The following FOXN3 variants were observed in gnomAD, a reference collection of about 807,000 sequenced individuals.
FOXN3 encodes the protein forkhead box protein N3.
In FOXN3, 7 loss-of-function variants were observed where a neutral mutation model predicts 38.4. That is an observed-to-expected ratio of 0.18 (90% CI 0.10 to 0.34). FOXN3 has a LOEUF of 0.34. FOXN3 is among the 10% of genes least tolerant of loss of function. FOXN3 has a pLI of 1.00. For synonymous variants in FOXN3, 230 were observed against 242.2 expected (o/e 0.95, Z 0.47); for missense variants, 456 against 613.4 (o/e 0.74, Z 2.71).
At chr14:89,472,801 T>G (rs1015633170) in intron 1 of FOXN3, among the ~76,000 whole-genome samples, 1 of 151,716 alleles carries the variant, frequency 6.6e-6, no homozygotes, top group African/African-American at 2.4e-5. Flanking sequence ...ATTATATATG[T>G]AGACATAATT....
chr14:89,234,960 C>T (rs1884938006), intron 4 of FOXN3, among the ~76,000 whole-genome samples: 1 of 152,122 alleles, frequency 6.6e-6, no homozygotes, highest in Non-Finnish European at 1.5e-5. Context: ...CCCTAATTCC[C>T]GCAGCAAGAA....
In FOXN3 at chr14:89,590,388, G is replaced by A. The variant is rs1264663549; in HGVS notation, c.-15+28640C>T. On this transcript the variant is annotated intron_variant, in intron 1 of 6. Transcript: ENST00000345097. ...GAAGACTGAGGGTATATGGAAGAGT[G>A]ACAGATGAACTCAGGCAGAAGGAGG... Among the ~76,000 whole-genome samples the A allele has an allele frequency of 2.0e-5, 3 of 152,114 alleles. No homozygotes were observed. The East Asian group carries it at 5.8e-4, about 29-fold the overall frequency.
chr14:89,592,181 A>T (rs1403073256), intron 1 of FOXN3, among the ~76,000 whole-genome samples: 1 of 152,214 alleles, frequency 6.6e-6, no homozygotes, highest in Non-Finnish European at 1.5e-5. Context: ...CAATAAGACA[A>T]AAAGATGATT....
intron 3 of FOXN3, among the ~76,000 whole-genome samples, chr14:89,302,596 T>C (rs1887249898): frequency 6.6e-6 from 1 of 152,174 alleles, no homozygotes; most frequent in African/African-American, 2.4e-5. Context: ...GCTGGGTCAT[T>C]GGGCTCACCT....
At chr14:89,354,557 A>AG in intron 2 of FOXN3, among the ~76,000 whole-genome samples, 1 of 149,466 alleles carries the variant, frequency 6.7e-6, no homozygotes, top group African/African-American at 2.4e-5. Context: ...AAAAAAAAAA[A>AG]AAAAGAAAAG....
chr14:89,216,843 C>T (rs1400420615), intron 4 of FOXN3, among the ~76,000 whole-genome samples: 5 of 152,312 alleles, frequency 3.3e-5, no homozygotes, highest in African/African-American at 1.2e-4. Flanking sequence ...TTGTTCCCTG[C>T]TGCGTGTGGC....
At chr14:89,506,028 G>T in intron 1 of FOXN3, among the ~76,000 whole-genome samples, 1 of 149,432 alleles carries the variant, frequency 6.7e-6, no homozygotes, top group Non-Finnish European at 1.5e-5. Flanking sequence ...GGAGGTGGGG[G>T]TCAGCCCCCG....
At chr14:89,524,371 CAAAA>C (rs1301922423) in intron 1 of FOXN3, among the ~76,000 whole-genome samples, 53 of 6,492 alleles carry the variant, frequency 8.2e-3, no homozygotes, top group Non-Finnish European at 9.9e-3. Flanking sequence ...GACTCCATCT[CAAAA>C]AAAAAAAAAA....
At chr14:89,268,186 C>T (rs1886042423) in intron 4 of FOXN3, among the ~76,000 whole-genome samples, 2 of 152,184 alleles carry the variant, frequency 1.3e-5, no homozygotes, top group South Asian at 4.1e-4. Flanking sequence ...GAAGATACCA[C>T]CTACCTCTCA....
intron 5 of FOXN3, among the ~76,000 whole-genome samples, chr14:89,173,761 T>C (rs1157466137): frequency 6.6e-6 from 1 of 151,984 alleles, no homozygotes; most frequent in African/African-American, 2.4e-5. Context: ...GAGGCTGAGG[T>C]GTGTGGATTG....
chr14:89,315,690 A>G (rs1199225835), intron 3 of FOXN3, among the ~76,000 whole-genome samples: 1 of 152,242 alleles, frequency 6.6e-6, no homozygotes, highest in Non-Finnish European at 1.5e-5. Flanking sequence ...CACTCTGCCG[A>G]AAGATCTGCG....
At chr14:89,506,037 CG>C (rs1354247317) in intron 1 of FOXN3, among the ~76,000 whole-genome samples, 10 of 148,666 alleles carry the variant, frequency 6.7e-5, no homozygotes, top group Non-Finnish European at 1.5e-4. Context: ...GGTCAGCCCC[CG>C]GCCCGGCCAG....
intron 1 of FOXN3, among the ~76,000 whole-genome samples, chr14:89,460,319 A>G (rs1240103521): frequency 6.6e-6 from 1 of 152,130 alleles, no homozygotes; most frequent in East Asian, 1.9e-4. Context: ...GTGCTGTTTC[A>G]TCTGTGTGGG....
At chr14:89,578,472 C>T (rs1185869478) in intron 1 of FOXN3, among the ~76,000 whole-genome samples, 1 of 152,178 alleles carries the variant, frequency 6.6e-6, no homozygotes, top group Non-Finnish European at 1.5e-5. Context: ...TCCCCCTGAG[C>T]TCCAGATGGG....
chr14:89,201,500 AT>A (rs1888233475), intron 4 of FOXN3, among the ~76,000 whole-genome samples: 1 of 152,194 alleles, frequency 6.6e-6, no homozygotes, highest in African/African-American at 2.4e-5. Context: ...AGGAACAGGA[AT>A]GGAGACTCCC....
chr14:89,241,444 G>A (rs542485084), intron 4 of FOXN3, among the ~76,000 whole-genome samples: 29 of 152,252 alleles, frequency 1.9e-4, no homozygotes, highest in African/African-American at 6.3e-4. Context: ...GAATGAGACA[G>A]ACACACGTGG....
At chr14:89,544,834 A>C (rs1482210191) in intron 1 of FOXN3, among the ~76,000 whole-genome samples, 2 of 152,324 alleles carry the variant, frequency 1.3e-5, no homozygotes, top group South Asian at 4.1e-4. Context: ...GGCAAGACAG[A>C]GCGGGACAGC....
chr14:89,283,444 A>G (rs1279097828), intron 3 of FOXN3, among the ~76,000 whole-genome samples: 2 of 152,114 alleles, frequency 1.3e-5, no homozygotes, highest in Non-Finnish European at 2.9e-5. Flanking sequence ...CCATCTGGAG[A>G]TGTCCCTGGA....
intron 4 of FOXN3, among the ~76,000 whole-genome samples, chr14:89,226,912 C>T (rs1303732700): frequency 2.0e-5 from 3 of 152,208 alleles, no homozygotes; most frequent in Admixed American, 2.0e-4. Flanking sequence ...TCCCCAGAGC[C>T]TTCGAGGGGG....
Sources: gnomAD v4.1 joint callset for allele counts (sites outside exome capture counted in the v4.1 genomes callset) on GRCh38, gnomAD v4.1.1 for gene constraint, MANE v1.5 for transcripts, NCBI Gene and HGNC (gene_info 2026-07-23, HGNC 2026-07-21) for gene names.